The following SYT1 variants were observed in gnomAD, a reference collection of about 807,000 sequenced individuals.
SYT1 encodes synaptotagmin 1.
Under a neutral mutation model 44.8 loss-of-function variants are expected in SYT1, and 8 were observed. That is an observed-to-expected ratio of 0.18 (90% CI 0.10 to 0.32). The LOEUF is 0.32. Among genes scored for constraint, SYT1 ranks in the 10% least tolerant of loss-of-function variants. The pLI is 1.00. For missense variants in SYT1, 286 were observed against 509.3 expected, an observed-to-expected ratio of 0.56 and a Z score of 4.22; for synonymous variants, 154 against 188.8, an observed-to-expected ratio of 0.82 and a Z score of 1.51.
intron 9 of SYT1, among the ~76,000 whole-genome samples, chr12:79,399,220 T>C (rs1884984344): frequency 1.3e-5 from 2 of 152,058 alleles, no homozygotes; most frequent in South Asian, 4.1e-4. Context: ...TTTAAAAGGG[T>C]TTTTAATATT....
At chr12:78,917,590 C>G (rs1292181656) in intron 1 of SYT1, among the ~76,000 whole-genome samples, 1 of 151,234 alleles carries the variant, frequency 6.6e-6, no homozygotes, top group Non-Finnish European at 1.5e-5. Context: ...TGCACATGTA[C>G]CCTAGAACTT....
chr12:79,258,965 AAGAAAT>A (rs1436291078), intron 4 of SYT1, among the ~76,000 whole-genome samples: 1 of 152,216 alleles, frequency 6.6e-6, no homozygotes, highest in Non-Finnish European at 1.5e-5. Context: ...TGGGGACAAG[AAGAAAT>A]AGAAAGAGTT....
At chr12:79,287,260 C>T (rs891651893) in intron 5 of SYT1, among the ~76,000 whole-genome samples, 1 of 152,058 alleles carries the variant, frequency 6.6e-6, no homozygotes, top group Non-Finnish European at 1.5e-5. Flanking sequence ...GGCCTGAGCT[C>T]GGAGTAGCAA....
chr12:79,042,191 G>C, intron 2 of SYT1, among the ~76,000 whole-genome samples: 1 of 151,574 alleles, frequency 6.6e-6, no homozygotes, highest in Non-Finnish European at 1.5e-5. Flanking sequence ...AATAGTTTCA[G>C]AAGGAATGGT....
At chr12:79,122,363 A>C (rs1466307093) in intron 3 of SYT1, among the ~76,000 whole-genome samples, 2 of 149,878 alleles carry the variant, frequency 1.3e-5, no homozygotes, top group East Asian at 3.9e-4. Flanking sequence ...AAATACAAAA[A>C]ATTAGCCGGG....
intron 8 of SYT1, among the ~76,000 whole-genome samples, chr12:79,319,124 A>C (rs1038315454): frequency 6.6e-6 from 1 of 152,222 alleles, no homozygotes; most frequent in African/African-American, 2.4e-5. Context: ...ACATAAAGGC[A>C]ATGGAACCTA....
At chr12:79,035,214 G>A (rs971519608) in intron 2 of SYT1, among the ~76,000 whole-genome samples, 13 of 151,662 alleles carry the variant, frequency 8.6e-5, no homozygotes, top group Admixed American at 7.2e-4. Context: ...TGAATATGGA[G>A]CAAACCAAGG....
At chr12:78,926,817 A>T (rs1426233737) in intron 1 of SYT1, 2 of 152,128 alleles carry the variant, frequency 1.3e-5, no homozygotes, top group African/African-American at 4.8e-5. Flanking sequence ...CTTTGTCCAT[A>T]TCTTAATAGC....
At chr12:79,228,829 C>T (rs1875685025) in intron 4 of SYT1, among the ~76,000 whole-genome samples, 2 of 152,184 alleles carry the variant, frequency 1.3e-5, no homozygotes. Context: ...GATTTTCTCT[C>T]TTCCTGGATT....
intron 2 of SYT1, among the ~76,000 whole-genome samples, chr12:79,018,949 T>C (rs1053682834): frequency 2.6e-5 from 4 of 152,020 alleles, no homozygotes; most frequent in Non-Finnish European, 4.4e-5. Context: ...TGAAATAGTA[T>C]AAGTAAGGTG....
chr12:79,019,210 G>A (rs1872017222), intron 2 of SYT1, among the ~76,000 whole-genome samples: 1 of 151,984 alleles, frequency 6.6e-6, no homozygotes, highest in Non-Finnish European at 1.5e-5. Context: ...GTCAAATAAA[G>A]ACAGTAAAAT....
chr12:79,041,907 G>A (rs1873610694), intron 2 of SYT1, among the ~76,000 whole-genome samples: 1 of 152,174 alleles, frequency 6.6e-6, no homozygotes, highest in Admixed American at 6.5e-5. Flanking sequence ...CTTTGGTTCT[G>A]TTTATATGCT....
At chr12:78,923,682 C>T (rs1877134668) in intron 1 of SYT1, among the ~76,000 whole-genome samples, 2 of 151,096 alleles carry the variant, frequency 1.3e-5, no homozygotes, top group Admixed American at 1.3e-4. Flanking sequence ...CTCTCCACCC[C>T]CCCTTTCTTT....
intron 3 of SYT1, among the ~76,000 whole-genome samples, chr12:79,098,360 T>C (rs1464430322): frequency 6.6e-6 from 1 of 152,044 alleles, no homozygotes; most frequent in Admixed American, 6.6e-5. Flanking sequence ...AAATTTTTTG[T>C]ATGTAAATAA....
intron 3 of SYT1, among the ~76,000 whole-genome samples, chr12:79,191,928 C>CCT (rs1354911228): frequency 6.6e-6 from 1 of 151,882 alleles, no homozygotes; most frequent in Non-Finnish European, 1.5e-5. Context: ...GTTGCTTCTA[C>CCT]CTGAAAAAAA....
chr12:79,234,320 C>A (rs76438819), intron 4 of SYT1, among the ~76,000 whole-genome samples: 2,586 of 152,304 alleles, frequency 0.017, 46 homozygotes, highest in Non-Finnish European at 0.022. Context: ...ATAAGATGCA[C>A]CCATTGAAAA....
intron 8 of SYT1, among the ~76,000 whole-genome samples, chr12:79,307,479 C>T (rs930538067): frequency 9.9e-5 from 15 of 152,256 alleles, no homozygotes; most frequent in Admixed American, 3.9e-4. Context: ...TAGACCCCCA[C>T]GTTCGGCCAC....
intron 3 of SYT1, among the ~76,000 whole-genome samples, chr12:79,155,423 A>G (rs1870534983): frequency 6.6e-6 from 1 of 152,164 alleles, no homozygotes; most frequent in Non-Finnish European, 1.5e-5. Context: ...ATCCATACTC[A>G]GCTGTAATCA....
At chr12:78,994,937 G>A (rs946746413) in intron 2 of SYT1, among the ~76,000 whole-genome samples, 1 of 151,644 alleles carries the variant, frequency 6.6e-6, no homozygotes, top group African/African-American at 2.4e-5. Context: ...CTCCAAAATT[G>A]GTCATCCCAC....
Sources: gnomAD v4.1 joint callset for allele counts (sites outside exome capture counted in the v4.1 genomes callset) on GRCh38, gnomAD v4.1.1 for gene constraint, MANE v1.5 for transcripts, NCBI Gene and HGNC (gene_info 2026-07-23, HGNC 2026-07-21) for gene names.